The following TWIST2 variants were observed in gnomAD, a reference collection of about 807,000 sequenced individuals.
The protein encoded by TWIST2 is twist-related protein 2.
TWIST2 carries 1 observed loss-of-function variant against 11.6 expected under a neutral mutation model. The ratio of observed to expected loss-of-function variants is 0.09; its 90% CI spans 0.03 to 0.41. The LOEUF (loss-of-function observed/expected upper bound fraction) is 0.41. Among genes scored for constraint, TWIST2 ranks in the 10% least tolerant of loss-of-function variants. The pLI is 0.98. For missense variants in TWIST2, 168 were observed against 226.4 expected, an observed-to-expected ratio of 0.74 and a Z score of 1.66; for synonymous variants, 87 against 96.6, an observed-to-expected ratio of 0.90 and a Z score of 0.58.
intron 1 of TWIST2, among the ~76,000 whole-genome samples, chr2:238,904,429 GGT>G (rs1218031301): frequency 1.3e-5 from 2 of 150,356 alleles, no homozygotes; most frequent in East Asian, 3.9e-4. Flanking sequence ...TGTGATGTGG[GGT>G]GTGTGTGATG....
At chr2:238,906,398 G>A (rs959346923) in intron 1 of TWIST2, among the ~76,000 whole-genome samples, 41 of 150,556 alleles carry the variant, frequency 2.7e-4, no homozygotes, top group African/African-American at 9.6e-4. Context: ...ATGCACACCA[G>A]CACTTCCACG....
At chr2:238,904,396 G>A (rs1369206973) in intron 1 of TWIST2, among the ~76,000 whole-genome samples, 1 of 114,526 alleles carries the variant, frequency 8.7e-6, no homozygotes, top group East Asian at 2.8e-4. Flanking sequence ...GTGATGTAAG[G>A]TGTGTGTCTA....
chr2:238,895,427 G>A (rs1289152179), intron 1 of TWIST2, among the ~76,000 whole-genome samples: 7 of 152,228 alleles, frequency 4.6e-5, no homozygotes, highest in East Asian at 1.9e-4. Flanking sequence ...CCCGCAGGGC[G>A]GTTCGTGTTC....
chr2:238,862,507 G>A (rs1011263494), intron 1 of TWIST2, among the ~76,000 whole-genome samples: 1 of 152,012 alleles, frequency 6.6e-6, no homozygotes, highest in Non-Finnish European at 1.5e-5. Flanking sequence ...TAAAACAGAA[G>A]GATATTATTT....
chr2:238,881,439 A>AG (rs1692928387), intron 1 of TWIST2, among the ~76,000 whole-genome samples: 1 of 151,594 alleles, frequency 6.6e-6, no homozygotes, highest in African/African-American at 2.4e-5. Context: ...TAGTGTCGGT[A>AG]TTTATTAGTA....
Position 238,866,659 on chromosome 2 carries a change from A to G in TWIST2, c.*35+17926A>G, listed in dbSNP as rs1692541490. Among the ~76,000 whole-genome samples the G allele has an allele frequency of 6.7e-6, 1 of 149,538 alleles. No homozygotes were observed. Among genetic ancestry groups the G allele is most frequent in the African/African-American group, 2.5e-5 (1 of 40,678 alleles). On this transcript the variant is annotated intron_variant, in intron 1 of 1. Coordinates refer to ENST00000612363, the MANE Select transcript of TWIST2 (RefSeq NM_001271893.4). This position sits in a 1 kb window ranked among gnomAD's most constrained non-coding sequence, Gnocchi z 4.9. ...GTGACAGAGCGAGACTCCACCATGG[A>G]AAAAAAAAAGAAAAGCACGGCGCCT...
At position 238,863,892 on chromosome 2, in the gene TWIST2, AG is replaced by A. The variant is rs1008008298; in HGVS notation, c.*35+15161del. Among the ~76,000 whole-genome samples, 61 of 152,220 alleles carry A rather than the reference AG, an allele frequency of 4.0e-4. No individual in the cohort carries two copies. The highest frequency in any genetic ancestry group is 1.5e-3 in the African/African-American group (61 of 41,532). On this transcript the variant is annotated intron_variant, in intron 1 of 1. Coordinates refer to ENST00000612363, the MANE Select transcript of TWIST2 (RefSeq NM_001271893.4). This position sits in a 1 kb window ranked among gnomAD's most constrained non-coding sequence, Gnocchi z 4.7. ...ACTGAGGAGAGGTCGGCCGTAGAGT[AG>A]GTCTACCCCCTATCCTGGGGGCATC... is the stretch of plus-strand genomic sequence containing the variant.
rs1692531994 is a variant in TWIST2, at chr2:238,866,285, C to T, written c.*35+17552C>T. On this transcript the variant is annotated intron_variant, in intron 1 of 1. Transcript: ENST00000612363. The surrounding 1 kb of genome is among the most constrained non-coding windows in gnomAD (Gnocchi z 4.9). ...GCCAGGAGCATGTCTGTCCTTTTCA[C>T]CCTGTACCCAGCACTTGGAGCAGTT... Among the ~76,000 whole-genome samples, 1 of 152,226 alleles carries T rather than the reference C, an allele frequency of 6.6e-6. No homozygotes were observed. The highest frequency in any genetic ancestry group is 1.5e-5 in the Non-Finnish European group (1 of 68,042).
chr2:238,877,612 A>G (rs1414269610), intron 1 of TWIST2, among the ~76,000 whole-genome samples: 1 of 152,198 alleles, frequency 6.6e-6, no homozygotes, highest in Non-Finnish European at 1.5e-5. Flanking sequence ...AGATCCTTAT[A>G]TATGTTTAGT....
chr2:238,904,747 GCT>G (rs1436055573), intron 1 of TWIST2, among the ~76,000 whole-genome samples: 1 of 152,004 alleles, frequency 6.6e-6, no homozygotes, highest in Non-Finnish European at 1.5e-5. Context: ...CATGATAGAT[GCT>G]CAATTATGTC....
chr2:238,865,480 G>A (rs1692514351), intron 1 of TWIST2, among the ~76,000 whole-genome samples: 1 of 152,200 alleles, frequency 6.6e-6, no homozygotes, highest in Non-Finnish European at 1.5e-5. Flanking sequence ...AAGGCCTGAG[G>A]CGCTCGTGTC....
chr2:238,864,646 C>A lies in TWIST2; in HGVS notation c.*35+15913C>A, dbSNP rs957953996. 6.6e-6 allele frequency among the ~76,000 whole-genome samples: 1 copy of A among 152,156 alleles called. No homozygotes were observed. Among genetic ancestry groups the A allele is most frequent in the African/African-American group, 2.4e-5 (1 of 41,442 alleles). On this transcript the variant is annotated intron_variant, in intron 1 of 1. Transcript: ENST00000612363. This position sits in a 1 kb window ranked among gnomAD's most constrained non-coding sequence, Gnocchi z 4.7. ...CAGGGGCCCAGAGGCTGGTACCCTC[C>A]GAGGTGCGGGAGAAGAGGAGGTGGG...
chr2:238,872,851 T>G (rs1692731887), intron 1 of TWIST2, among the ~76,000 whole-genome samples: 1 of 152,208 alleles, frequency 6.6e-6, no homozygotes, highest in Admixed American at 6.5e-5. Flanking sequence ...TTTGCGTAGC[T>G]GGTATCATGT....
At chr2:238,904,362 A>T (rs1035927625) in intron 1 of TWIST2, among the ~76,000 whole-genome samples, 1 of 88,126 alleles carries the variant, frequency 1.1e-5, no homozygotes, top group East Asian at 3.4e-4. Flanking sequence ...GTGTGATGTG[A>T]GGTATGTTTG....
At chr2:238,851,288 C>A (rs573830287) in intron 1 of TWIST2, among the ~76,000 whole-genome samples, 2 of 152,316 alleles carry the variant, frequency 1.3e-5, no homozygotes, top group South Asian at 2.1e-4. Flanking sequence ...TGCCTTTCTT[C>A]TTTGGCCTGG....
chr2:238,870,587 A>G (rs1454488255), intron 1 of TWIST2, among the ~76,000 whole-genome samples: 1 of 17,884 alleles, frequency 5.6e-5, no homozygotes, highest in Non-Finnish European at 1.1e-4. Context: ...ACACACACAC[A>G]CCACACACCC....
At chr2:238,869,363 C>G (rs572099048) in intron 1 of TWIST2, among the ~76,000 whole-genome samples, 1 of 152,160 alleles carries the variant, frequency 6.6e-6, no homozygotes, top group Non-Finnish European at 1.5e-5. Context: ...AATGGGACTA[C>G]GTCGAACTTA....
intron 1 of TWIST2, among the ~76,000 whole-genome samples, chr2:238,860,007 A>C (rs1402079314): frequency 6.6e-6 from 1 of 152,112 alleles, no homozygotes; most frequent in African/African-American, 2.4e-5. Flanking sequence ...AGCATTTGCC[A>C]TATCTGTAGT....
intron 1 of TWIST2, among the ~76,000 whole-genome samples, chr2:238,870,535 T>C (rs868837295): frequency 0.093 from 1,185 of 12,740 alleles, 44 homozygotes; most frequent in African/African-American, 0.13. Context: ...CCACACACCC[T>C]ACATACCCCA....
Sources: gnomAD v4.1 joint callset for allele counts (sites outside exome capture counted in the v4.1 genomes callset) on GRCh38, gnomAD v4.1.1 for gene constraint, Gnocchi (gnomAD v3.1) non-coding constraint, MANE v1.5 for transcripts, NCBI Gene and HGNC (gene_info 2026-07-23, HGNC 2026-07-21) for gene names.